The following CAP2 variants were observed in gnomAD, a reference collection of about 807,000 sequenced individuals.
CAP2 encodes cyclase associated actin cytoskeleton regulatory protein 2, also known as adenylyl cyclase-associated protein 2.
In CAP2, 24 loss-of-function variants were observed where a neutral mutation model predicts 57.7. The ratio of observed to expected loss-of-function variants is 0.42; its 90% confidence interval spans 0.30 to 0.58. The LOEUF is 0.58. CAP2 is among the 20% of genes least tolerant of loss of function. The pLI, the probability that CAP2 is intolerant of heterozygous loss-of-function variation, is 0.22. For missense variants in CAP2, 501 were observed against 590.3 expected (o/e 0.85, Z 1.57); for synonymous variants, 194 against 207.2 (o/e 0.94, Z 0.55).
chr6:17,502,583 A>C (rs1014812483), intron 4 of CAP2, among the ~76,000 whole-genome samples: 3 of 152,130 alleles, frequency 2.0e-5, no homozygotes, highest in African/African-American at 7.2e-5. Context: ...CTCAATCTTT[A>C]TGATGCTTTC....
intron 8 of CAP2, among the ~76,000 whole-genome samples, chr6:17,540,377 G>A (rs1296566745): frequency 6.6e-6 from 1 of 151,614 alleles, no homozygotes. Context: ...ATCCTTTTTC[G>A]TGAGGTGGTT....
At position 17,546,251 on chromosome 6, in the gene CAP2, T is replaced by G. The variant is rs554268023; in HGVS notation, c.1209+3108T>G. On this transcript the variant is annotated intron_variant, in intron 11 of 12. Transcript: ENST00000229922. ...ACCGCCATGCTAACTGGTATGAGAT[T>G]GTATCTCACTGTGGTTTTGATTTGC... Among the ~76,000 whole-genome samples the G allele has an allele frequency of 1.2e-3, 176 of 152,302 alleles. 1 individual carries two copies. Among genetic ancestry groups the G allele is most frequent in the African/African-American group, 3.9e-3 (164 of 41,568 alleles).
chr6:17,444,639 CA>C (rs59730697), intron 3 of CAP2, among the ~76,000 whole-genome samples: 2,653 of 89,994 alleles, frequency 0.029, 52 homozygotes, highest in African/African-American at 0.093. Context: ...GACTCTGTCT[CA>C]AAAAAAAAAA....
intron 3 of CAP2, among the ~76,000 whole-genome samples, chr6:17,430,221 A>G (rs1759691835): frequency 6.6e-6 from 1 of 152,220 alleles, no homozygotes. Context: ...AATAGCTACA[A>G]TTAGGAATCT....
chr6:17,399,704 A>G (rs1758760401), intron 1 of CAP2, among the ~76,000 whole-genome samples: 3 of 152,214 alleles, frequency 2.0e-5, no homozygotes, highest in African/African-American at 7.2e-5. Context: ...GGAGGAAGTA[A>G]ATAACCTTTG....
At chr6:17,441,908 G>A (rs755708697) in intron 3 of CAP2, among the ~76,000 whole-genome samples, 18 of 151,724 alleles carry the variant, frequency 1.2e-4, no homozygotes, top group Non-Finnish European at 2.1e-4. Context: ...TGTTATGTAC[G>A]TAACCTACAC....
At chr6:17,519,283 G>A (rs904709899) in intron 7 of CAP2, among the ~76,000 whole-genome samples, 2 of 151,660 alleles carry the variant, frequency 1.3e-5, no homozygotes, top group African/African-American at 4.8e-5. Flanking sequence ...AGTTGTCAGG[G>A]TGAAATGCCA....
intron 1 of CAP2, among the ~76,000 whole-genome samples, chr6:17,409,440 C>T (rs897604885): frequency 5.3e-5 from 8 of 151,990 alleles, no homozygotes; most frequent in African/African-American, 1.9e-4. Context: ...GAGGTAGTAA[C>T]ACTTACCATG....
intron 4 of CAP2, among the ~76,000 whole-genome samples, chr6:17,502,869 G>A (rs1761863257): frequency 6.6e-6 from 1 of 152,106 alleles, no homozygotes; most frequent in Non-Finnish European, 1.5e-5. Flanking sequence ...TAGTAGTTCT[G>A]CCATCATTAA....
intron 4 of CAP2, among the ~76,000 whole-genome samples, chr6:17,476,896 G>A (rs1480594492): frequency 5.3e-5 from 6 of 112,178 alleles, no homozygotes; most frequent in African/African-American, 2.1e-4. Context: ...TTTTGAGATG[G>A]AATCTCGCTC....
chr6:17,475,576 C>T (rs1056451658), intron 4 of CAP2, among the ~76,000 whole-genome samples: 1 of 152,110 alleles, frequency 6.6e-6, no homozygotes, highest in East Asian at 1.9e-4. Context: ...TGAGAAATGA[C>T]GGCAACCAGA....
chr6:17,548,361 G>C lies in CAP2; in HGVS notation c.1210-3103G>C, dbSNP rs145291454. ...CAGCCTGGCAACAGAGCTAGATTCT[G>C]TCTCAAAAAAAAAAAGAAAGAAAGA... On this transcript the variant is annotated intron_variant, in intron 11 of 12. Transcript: ENST00000229922. Among the ~76,000 whole-genome samples, 452 of 149,396 alleles carry C rather than the reference G, an allele frequency of 3.0e-3. 6 individuals carry two copies. Among genetic ancestry groups the C allele is most frequent in the Admixed American group, 0.021 (311 of 14,906 alleles).
At chr6:17,477,561 G>C (rs1017938673) in intron 4 of CAP2, among the ~76,000 whole-genome samples, 3 of 152,162 alleles carry the variant, frequency 2.0e-5, no homozygotes, top group Admixed American at 6.5e-5. Flanking sequence ...TCTGTCTGTG[G>C]AAAGTCAACC....
At chr6:17,552,308 C>T (rs1763188651) in intron 12 of CAP2, among the ~76,000 whole-genome samples, 1 of 152,114 alleles carries the variant, frequency 6.6e-6, no homozygotes, top group East Asian at 1.9e-4. Context: ...TTTCCTGGTT[C>T]ATGAAGTGTG....
At chr6:17,446,619 C>A (rs914408789) in intron 3 of CAP2, among the ~76,000 whole-genome samples, 2 of 152,146 alleles carry the variant, frequency 1.3e-5, no homozygotes, top group African/African-American at 4.8e-5. Flanking sequence ...ACGGTGGTCA[C>A]CCTTGTGGGG....
chr6:17,428,579 T>A (rs1254869547), intron 3 of CAP2, among the ~76,000 whole-genome samples: 3 of 132,212 alleles, frequency 2.3e-5, no homozygotes, highest in Non-Finnish European at 3.1e-5. Context: ...AACAATGAGA[T>A]CACATGGACA....
chr6:17,517,370 G>A (rs2113671345), intron 7 of CAP2, among the ~76,000 whole-genome samples: 1 of 152,322 alleles, frequency 6.6e-6, no homozygotes, highest in Admixed American at 6.5e-5. Flanking sequence ...GAGTAATTGT[G>A]TTTATGAATA....
At chr6:17,432,718 C>CA (rs1759768454) in intron 3 of CAP2, among the ~76,000 whole-genome samples, 1 of 47,456 alleles carries the variant, frequency 2.1e-5, no homozygotes, top group South Asian at 7.3e-4. Flanking sequence ...CCCCTCCACC[C>CA]CCTTGCTTGC....
intron 4 of CAP2, among the ~76,000 whole-genome samples, chr6:17,477,640 A>T (rs991220602): frequency 2.6e-5 from 4 of 152,192 alleles, no homozygotes; most frequent in Non-Finnish European, 5.9e-5. Flanking sequence ...TATTTAGGGG[A>T]TGCACAGAGG....
Sources: gnomAD v4.1 joint callset for allele counts (sites outside exome capture counted in the v4.1 genomes callset) on GRCh38, gnomAD v4.1.1 for gene constraint, MANE v1.5 for transcripts, NCBI Gene and HGNC (gene_info 2026-07-23, HGNC 2026-07-21) for gene names.